PHACTR3: variants seen among roughly 807,000 people sequenced by gnomAD.
PHACTR3 encodes phosphatase and actin regulator 3, also known as protein phosphatase 1, regulatory subunit 123.
Under a neutral mutation model 66.8 loss-of-function variants are expected in PHACTR3, and 16 were observed. The ratio of observed to expected loss-of-function variants is 0.24; its 90% CI spans 0.16 to 0.36. The LOEUF (loss-of-function observed/expected upper bound fraction) is 0.36, where lower values mean the gene tolerates loss of function less well. Among genes scored for constraint, PHACTR3 ranks in the 10% least tolerant of loss-of-function variants. PHACTR3 has a pLI of 1.00. For missense variants in PHACTR3, 647 were observed against 719.9 expected, an observed-to-expected ratio of 0.90 and a Z score of 1.16; for synonymous variants, 323 against 292.1, an observed-to-expected ratio of 1.11 and a Z score of -1.08.
At chr20:59,823,740 C>T (rs1283992628) in intron 8 of PHACTR3, among the ~76,000 whole-genome samples, 8 of 152,234 alleles carry the variant, frequency 5.3e-5, no homozygotes, top group Admixed American at 5.2e-4. Flanking sequence ...TCACTTCTCT[C>T]TCCCACGCAA....
intron 1 of PHACTR3, among the ~76,000 whole-genome samples, chr20:59,715,121 C>T (rs919584135): frequency 7.9e-5 from 12 of 151,976 alleles, no homozygotes; most frequent in Admixed American, 3.9e-4. Context: ...TTTTCCTTTC[C>T]GATCCTTAAA....
intron 1 of PHACTR3, among the ~76,000 whole-genome samples, chr20:59,711,946 T>A (rs1601162849): frequency 6.6e-6 from 1 of 152,216 alleles, no homozygotes; most frequent in Non-Finnish European, 1.5e-5. Context: ...GATTTTGTGC[T>A]TCTTGTTCAT....
intron 1 of PHACTR3, among the ~76,000 whole-genome samples, chr20:59,640,223 T>C (rs2035055442): frequency 6.6e-6 from 1 of 152,240 alleles, no homozygotes; most frequent in South Asian, 2.1e-4. Context: ...GTAGAAATGC[T>C]TAGCTCACCA....
chr20:59,781,069 A>G (rs2040708033), intron 7 of PHACTR3, among the ~76,000 whole-genome samples: 1 of 152,204 alleles, frequency 6.6e-6, no homozygotes, highest in Non-Finnish European at 1.5e-5. Context: ...CCAGTTTGTC[A>G]ATGTTCCGTA....
intron 8 of PHACTR3, among the ~76,000 whole-genome samples, chr20:59,824,526 T>C (rs973741269): frequency 1.3e-5 from 2 of 152,246 alleles, no homozygotes; most frequent in African/African-American, 4.8e-5. Flanking sequence ...GGTTCCTTTC[T>C]GTAATGGCAT....
chr20:59,583,835 G>T (rs1459501484), intron 1 of PHACTR3, among the ~76,000 whole-genome samples: 3 of 152,182 alleles, frequency 2.0e-5, no homozygotes, highest in Non-Finnish European at 4.4e-5. Flanking sequence ...GTGACCTTGT[G>T]GCCTAGATGA....
intron 1 of PHACTR3, among the ~76,000 whole-genome samples, chr20:59,704,958 CTTTT>C (rs552743155): frequency 2.9e-5 from 4 of 139,884 alleles, no homozygotes; most frequent in East Asian, 2.1e-4. Flanking sequence ...AAGACTTTCT[CTTTT>C]TTTTTTTTTT....
At chr20:59,766,838 A>G (rs1441886628) in intron 4 of PHACTR3, among the ~76,000 whole-genome samples, 3 of 152,226 alleles carry the variant, frequency 2.0e-5, no homozygotes, top group Admixed American at 2.0e-4. Flanking sequence ...CTTAAGGTCC[A>G]AGAGTAAATT....
At chr20:59,767,000 T>C (rs117047082) in intron 4 of PHACTR3, among the ~76,000 whole-genome samples, 186 bp from the exon 5 acceptor site, 3,402 of 152,332 alleles carry the variant, frequency 0.022, 58 homozygotes, top group Non-Finnish European at 0.035. Flanking sequence ...TCTCTCCATA[T>C]TCCTCTCTCT....
chr20:59,774,502 A>G lies in PHACTR3; in HGVS notation c.1174+12A>G. ...CTCCATTATTTCTGGTGAGGAAAGG[A>G]TGGCCCATTAAGTGTGGGGATCTCG... is the stretch of plus-strand genomic sequence containing the variant. On this transcript the variant is annotated intron_variant, in intron 7 of 12. Transcript: ENST00000371015. 1 of 1,611,870 alleles carries G rather than the reference A, an allele frequency of 6.2e-7. No individual in the cohort carries two copies. The highest frequency in any genetic ancestry group is 8.5e-7 in the Non-Finnish European group (1 of 1,178,978).
chr20:59,646,634 T>C (rs937816400), intron 1 of PHACTR3, among the ~76,000 whole-genome samples: 1 of 152,180 alleles, frequency 6.6e-6, no homozygotes, highest in African/African-American at 2.4e-5. Flanking sequence ...GTTCAGTAGA[T>C]GCAGTTCCCC....
chr20:59,793,637 C>A (rs1400948708), intron 7 of PHACTR3, among the ~76,000 whole-genome samples: 1 of 152,114 alleles, frequency 6.6e-6, no homozygotes, highest in African/African-American at 2.4e-5. Flanking sequence ...TTGTATCCTG[C>A]AACTTTATGG....
chr20:59,825,615 T>C (rs763496870), intron 8 of PHACTR3, among the ~76,000 whole-genome samples: 1 of 152,144 alleles, frequency 6.6e-6, no homozygotes, highest in Non-Finnish European at 1.5e-5. Flanking sequence ...ACAAATGCAC[T>C]GGGGAGCAAC....
At chr20:59,825,378 A>C (rs1031095954) in intron 8 of PHACTR3, among the ~76,000 whole-genome samples, 4 of 152,224 alleles carry the variant, frequency 2.6e-5, no homozygotes, top group African/African-American at 4.8e-5. Flanking sequence ...CCACTCATGC[A>C]TTCAGACACT....
intron 7 of PHACTR3, among the ~76,000 whole-genome samples, chr20:59,782,964 C>T (rs546411916): frequency 1.8e-4 from 27 of 152,310 alleles, no homozygotes; most frequent in African/African-American, 6.3e-4. Flanking sequence ...TCTTTGCAGG[C>T]TCCGGGATCC....
At chr20:59,605,846 C>CGGGGGGTG (rs1555876867) in intron 1 of PHACTR3, among the ~76,000 whole-genome samples, 2 of 7,754 alleles carry the variant, frequency 2.6e-4, no homozygotes, top group Admixed American at 7.5e-4. Context: ...CCTAATAAAG[C>CGGGGGGTG]GGGGGGGGAG....
At chr20:59,590,048 C>CA (rs2033143172) in intron 1 of PHACTR3, among the ~76,000 whole-genome samples, 1 of 152,214 alleles carries the variant, frequency 6.6e-6, no homozygotes, top group African/African-American at 2.4e-5. Context: ...CCTGTGCTTC[C>CA]ATAGTCATAT....
At chr20:59,665,578 G>A (rs550476134) in intron 1 of PHACTR3, among the ~76,000 whole-genome samples, 56 of 152,234 alleles carry the variant, frequency 3.7e-4, no homozygotes, top group Admixed American at 9.2e-4. Flanking sequence ...CAGATGGTAG[G>A]GGCAATGAGG....
chr20:59,693,680 T>C (rs1196228361), intron 1 of PHACTR3, among the ~76,000 whole-genome samples: 1 of 152,192 alleles, frequency 6.6e-6, no homozygotes, highest in African/African-American at 2.4e-5. Context: ...AGGCTGGACT[T>C]AGCTGGGTGG....
Sources: gnomAD v4.1 joint callset for allele counts (sites outside exome capture counted in the v4.1 genomes callset) on GRCh38, gnomAD v4.1.1 for gene constraint, MANE v1.5 for transcripts, NCBI Gene and HGNC (gene_info 2026-07-23, HGNC 2026-07-21) for gene names.